C1orf159: variants seen among roughly 807,000 people sequenced by gnomAD.
C1orf159 encodes uncharacterized protein C1orf159.
In C1orf159, 19 loss-of-function variants were observed where a neutral mutation model predicts 25.6. That is an observed-to-expected ratio of 0.74 (90% CI 0.52 to 1.09). The LOEUF (loss-of-function observed/expected upper bound fraction) is 1.09, where lower values mean the gene tolerates loss of function less well. C1orf159 is among the 50% of genes least tolerant of loss of function. The probability of loss-of-function intolerance (pLI) is 0.00; values close to 1 mark genes in which losing one functional copy is unlikely to be tolerated. For synonymous variants in C1orf159, 139 were observed against 124.7 expected, an observed-to-expected ratio of 1.12 and a Z score of -0.77; for missense variants, 274 against 290.6, an observed-to-expected ratio of 0.94 and a Z score of 0.42.
intron 7 of C1orf159, 138 bp downstream of exon 7, chr1:1,085,740 C>T: frequency 8.7e-7 from 1 of 1,147,770 alleles, no homozygotes; most frequent in Admixed American, 2.8e-5. Context: ...ACCCAAAAGC[C>T]ACAGGACAGG....
At chr1:1,093,544 C>T (rs1451603872) in intron 1 of C1orf159, among the ~76,000 whole-genome samples, 3 of 152,246 alleles carry the variant, frequency 2.0e-5, no homozygotes, top group African/African-American at 7.2e-5. Context: ...AGGAGCTGAC[C>T]AGACTGCAGC....
intron 1 of C1orf159, among the ~76,000 whole-genome samples, 171 bp downstream of exon 1, chr1:1,115,889 G>C (rs938149079): frequency 1.3e-5 from 2 of 150,374 alleles, no homozygotes; most frequent in Non-Finnish European, 3.0e-5. Context: ...AGGCGCTGGC[G>C]GCTCCTCCGC....
rs1430292190 is a variant in C1orf159 at position 1,087,683 on chromosome 1, G to A, written c.149-86C>T. 4.9e-6 allele frequency: 5 copies of A among 1,021,190 alleles called. No individual in the cohort carries two copies. The highest frequency in any genetic ancestry group is 2.6e-5 in the East Asian group (1 of 38,026). 63.3% of individuals were successfully genotyped at this position (1,021,190 alleles called of 1,614,324 possible). On this transcript the variant is annotated intron_variant, in intron 4 of 9. Coordinates refer to ENST00000421241, the MANE Select transcript of C1orf159 (RefSeq NM_017891.5). The surrounding 1 kb of genome is among the most constrained non-coding windows in gnomAD (Gnocchi z 8.3). The stretch of plus-strand genomic sequence containing the variant: ...TGGGAATGATTCTCTATTTGAGTTG[G>A]TGAGATAACTTTCATTCCAGATACT...
intron 1 of C1orf159, among the ~76,000 whole-genome samples, chr1:1,093,929 C>A (rs1645975548): frequency 1.3e-5 from 2 of 152,210 alleles, no homozygotes; most frequent in Non-Finnish European, 2.9e-5. Flanking sequence ...GGTGTCCGTG[C>A]ATGTGCAGGA....
In C1orf159 at chr1:1,087,391, C is replaced by T. The variant is rs1173320386; in HGVS notation, c.244+111G>A. 131 of 1,226,988 alleles carry T rather than the reference C, an allele frequency of 1.1e-4. 1 individual carries two copies. In the East Asian group the frequency reaches 3.3e-3, roughly 31 times the overall value. The allele number at this position is 1,226,988 out of a possible 1,614,324, so 76.0% of individuals were successfully genotyped here. A position where few individuals can be genotyped will look rare whatever the true frequency, so the allele number is the denominator to read the frequency against. On this transcript the variant is annotated intron_variant, in intron 5 of 9. Coordinates refer to ENST00000421241, the MANE Select transcript of C1orf159 (RefSeq NM_017891.5). The surrounding 1 kb of genome is among the most constrained non-coding windows in gnomAD (Gnocchi z 8.3). ...GAAGAGGGGGCTCCCGGGGCTGTTCCCCAGTGGACAGTGGCTCTGGGGCAA... is the reference window on the plus strand; with the variant it reads ...GAAGAGGGGGCTCCCGGGGCTGTTCTCCAGTGGACAGTGGCTCTGGGGCAA...
chr1:1,093,518 C>T (rs745578823), intron 1 of C1orf159, among the ~76,000 whole-genome samples: 8 of 152,378 alleles, frequency 5.3e-5, no homozygotes, highest in South Asian at 2.1e-4. Flanking sequence ...CCCACAAGCC[C>T]GGGCTCCCGG....
rs1385565471 is a variant in C1orf159, at chr1:1,090,439, C to T, written c.73-11G>A. On this transcript the variant is annotated splice_polypyrimidine_tract_variant and intron_variant, in intron 3 of 9. Transcript: ENST00000421241. The stretch of plus-strand genomic sequence containing the variant: ...CTCGGGCAGCTGGGCCTGGAGGGGA[C>T]ACGGCAGTGAAACTCCAGGACGCGC... The T allele has an allele frequency of 1.0e-5, 16 of 1,550,220 alleles. No homozygotes were observed. The South Asian group carries it at 1.8e-4, about 17-fold the overall frequency.
chr1:1,111,474 A>G (rs1018357377), intron 1 of C1orf159, among the ~76,000 whole-genome samples: 1 of 152,236 alleles, frequency 6.6e-6, no homozygotes, highest in East Asian at 1.9e-4. Context: ...GGTCAAGGCT[A>G]CAGTGAGCCA....
chr1:1,111,229 TAGA>T (rs1646252485), intron 1 of C1orf159, among the ~76,000 whole-genome samples: 1 of 152,154 alleles, frequency 6.6e-6, no homozygotes, highest in African/African-American at 2.4e-5. Context: ...TATTTTCCCT[TAGA>T]AGAACTGGTT....
At chr1:1,085,068 G>A (rs925708567) in intron 7 of C1orf159, among the ~76,000 whole-genome samples, 4 of 152,284 alleles carry the variant, frequency 2.6e-5, no homozygotes, top group South Asian at 2.1e-4. Flanking sequence ...TGAGCAGGCC[G>A]GGTCTCTCGG....
At chr1:1,083,579 G>T in intron 9 of C1orf159, 1 of 307,556 alleles carries the variant, frequency 3.3e-6, no homozygotes, top group African/African-American at 2.2e-5. Context: ...CCGGAGCCTC[G>T]GGAAGCGTGT....
chr1:1,112,808 A>C (rs1646280805), intron 1 of C1orf159, among the ~76,000 whole-genome samples: 1 of 152,242 alleles, frequency 6.6e-6, no homozygotes, highest in Admixed American at 6.5e-5. Flanking sequence ...CGCACACCTG[A>C]TCTCTCACAT....
chr1:1,112,540 G>A (rs1230713502), intron 1 of C1orf159, among the ~76,000 whole-genome samples: 5 of 151,858 alleles, frequency 3.3e-5, no homozygotes, highest in Admixed American at 2.6e-4. Flanking sequence ...TGAACACAAC[G>A]CGCACGCTCC....
intron 7 of C1orf159, among the ~76,000 whole-genome samples, chr1:1,085,557 C>CTCG (rs1645815309): frequency 6.6e-6 from 1 of 152,202 alleles, no homozygotes; most frequent in Admixed American, 6.5e-5. Flanking sequence ...CCGAGAGCCA[C>CTCG]CCAGCCCCGC....
rs773493173 is a variant in C1orf159 at position 1,091,247 on chromosome 1, C to G, written c.72+225G>C. 24 of 642,126 alleles carry G rather than the reference C, an allele frequency of 3.7e-5. No individual in the cohort carries two copies. The South Asian group carries it at 4.4e-4, about 12-fold the overall frequency. 39.8% of individuals were successfully genotyped at this position (642,126 alleles called of 1,614,324 possible). On this transcript the variant is annotated intron_variant, in intron 3 of 9. Transcript: ENST00000421241. ...GGATGCCTCACCGTGGGGGCCCCGC[C>G]TGACCCAGCCATTCCTGAGCAGGCG...
chr1:1,087,254 G>T lies in C1orf159; in HGVS notation c.245-50C>A. On this transcript the variant is annotated intron_variant, in intron 5 of 9. Transcript: ENST00000421241. The surrounding 1 kb of genome is among the most constrained non-coding windows in gnomAD (Gnocchi z 8.3). ...AGCCTGTGTGCACGGAGCCCACGGGGACACCCACGTGCACCCTGAAGGGAT... is the reference window on the plus strand; with the variant it reads ...AGCCTGTGTGCACGGAGCCCACGGGTACACCCACGTGCACCCTGAAGGGAT... 6.5e-7 allele frequency: 1 copy of T among 1,535,254 alleles called. No individual in the cohort carries two copies. The highest frequency in any genetic ancestry group is 8.8e-7 in the Non-Finnish European group (1 of 1,133,098).
In C1orf159 at chr1:1,097,791, G is replaced by A. The variant is rs570802096; in HGVS notation, c.-135-5688C>T. 4.8e-4 allele frequency among the ~76,000 whole-genome samples: 73 copies of A among 151,976 alleles called. No homozygotes were observed. In the East Asian group the frequency reaches 0.014, roughly 29 times the overall value. On this transcript the variant is annotated intron_variant, in intron 1 of 9. Transcript: ENST00000421241. ...TTGTCAATCTTTCCAATCTTTTAGG[G>A]AAAAAATCAGCTTTTGATATTGTTA...
chr1:1,103,046 T>C lies in C1orf159; in HGVS notation c.-135-10943A>G, dbSNP rs527569275. ...TTAGTAGAGACGGGGTTTCACCATG[T>C]TGGTCAGGCTTGTCTTGAACTCCTG... On this transcript the variant is annotated intron_variant, in intron 1 of 9. Transcript: ENST00000421241. Among the ~76,000 whole-genome samples the C allele has an allele frequency of 3.9e-5, 6 of 152,224 alleles. No individual in the cohort carries two copies. In the South Asian group the frequency reaches 1.2e-3, roughly 32 times the overall value.
chr1:1,090,263 T>G, intron 4 of C1orf159, 90 bp downstream of exon 4: 4 of 1,312,780 alleles, frequency 3.0e-6, no homozygotes, highest in Non-Finnish European at 4.3e-6. Context: ...AGATGAGCAC[T>G]GTCCTTGTCA....
Sources: allele counts gnomAD v4.1 joint callset (sites outside exome capture counted in the v4.1 genomes callset), GRCh38; gene constraint gnomAD v4.1.1; non-coding constraint Gnocchi (gnomAD v3.1); transcripts MANE v1.5; gene names NCBI Gene and HGNC (gene_info 2026-07-23, HGNC 2026-07-21).